SLC39A7: variants seen among roughly 807,000 people sequenced by gnomAD.
The protein encoded by SLC39A7 is solute carrier family 39 member 7.
A neutral mutation model predicts 39.7 loss-of-function variants in SLC39A7; 25 were observed. The ratio of observed to expected loss-of-function variants is 0.63; its 90% CI spans 0.46 to 0.88. The LOEUF is 0.88. Among genes scored for constraint, SLC39A7 ranks in the 40% least tolerant of loss-of-function variants. SLC39A7 has a pLI of 0.00. For missense variants in SLC39A7, 501 were observed against 592.1 expected (o/e 0.85, Z 1.60); for synonymous variants, 181 against 234.1 (o/e 0.77, Z 2.07).
intron 4 of SLC39A7, 50 bp downstream of exon 4, chr6:33,202,477 C>G (rs1774678543): frequency 6.2e-7 from 1 of 1,606,070 alleles, no homozygotes; most frequent in South Asian, 1.1e-5. Flanking sequence ...GCCTCAGAAT[C>G]TCCTCATCTT....
Position 33,201,946 on chromosome 6 carries a change from A to T in SLC39A7, c.580+33A>T, listed in dbSNP as rs978818606. 3.1e-6 allele frequency: 5 copies of T among 1,609,346 alleles called. No individual in the cohort carries two copies. The highest frequency in any genetic ancestry group is 3.4e-6 in the Non-Finnish European group (4 of 1,177,124). ...ACCTCTGACTTCTACCTCAAATCTA[A>T]CCTATTTCGTTCTTTGGAGGAAAAG... On this transcript the variant is annotated intron_variant, in intron 2 of 6. Coordinates refer to ENST00000374677, the MANE Select transcript of SLC39A7 (RefSeq NM_006979.3). This position sits in a 1 kb window ranked among gnomAD's most constrained non-coding sequence, Gnocchi z 5.9.
chr6:33,202,138 C>A lies in SLC39A7; in HGVS notation c.634+13C>A. ...CACTCCCACAGTGGTGAGGAAGAGA[C>A]AGATGGGGATGGGAGTTGGGGTGCT... On this transcript the variant is annotated intron_variant, in intron 3 of 6. Transcript: ENST00000374677. 6.2e-7 allele frequency: 1 copy of A among 1,612,562 alleles called. No individual in the cohort carries two copies. Among genetic ancestry groups the A allele is most frequent in the Non-Finnish European group, 8.5e-7 (1 of 1,179,660 alleles).
chr6:33,204,068 T>C lies in SLC39A7; in HGVS notation c.*255T>C. 1 of 588,500 alleles carries C rather than the reference T, an allele frequency of 1.7e-6. No individual in the cohort carries two copies. The highest frequency in any genetic ancestry group is 3.0e-6 in the Non-Finnish European group (1 of 330,514). The allele number at this position is 588,500 out of a possible 1,614,324, so 36.5% of individuals were successfully genotyped here. A position where few individuals can be genotyped will look rare whatever the true frequency, so the allele number is the denominator to read the frequency against. On this transcript the variant is annotated 3_prime_UTR_variant, in exon 7 of 7. Transcript: ENST00000374677. The stretch of plus-strand genomic sequence containing the variant: ...GCATTTGGAAGGCTAAATGGGGCCA[T>C]GAAGAAGGCTGGAAGGGACAGGGGG...
intron 4 of SLC39A7, 46 bp from the exon 5 acceptor site, chr6:33,202,514 T>G: frequency 6.3e-7 from 1 of 1,593,336 alleles, no homozygotes; most frequent in Non-Finnish European, 8.5e-7. Context: ...AGAGGACATG[T>G]TGGAAGATCT....
rs1774501511 is a variant in SLC39A7, at chr6:33,201,081, G to A, written c.-165G>A. On this transcript the variant is annotated 5_prime_UTR_variant, in exon 1 of 7. Coordinates refer to ENST00000374677, the MANE Select transcript of SLC39A7 (RefSeq NM_006979.3). This position sits in a 1 kb window ranked among gnomAD's most constrained non-coding sequence, Gnocchi z 5.9. ...GGGCCCTACATCCGGGAGGTGGTTCGGGATAAAGAGAACTAGTCTTGGGAA... is the reference window on the plus strand; with the variant it reads ...GGGCCCTACATCCGGGAGGTGGTTCAGGATAAAGAGAACTAGTCTTGGGAA... 2.5e-6 allele frequency: 2 copies of A among 816,098 alleles called. No individual in the cohort carries two copies. The highest frequency in any genetic ancestry group is 3.1e-5 in the South Asian group (2 of 63,766). The allele number at this position is 816,098 out of a possible 1,614,324, so 50.6% of individuals were successfully genotyped here. A position where few individuals can be genotyped will look rare whatever the true frequency, so the allele number is the denominator to read the frequency against.
chr6:33,201,943 C>A lies in SLC39A7; in HGVS notation c.580+30C>A. 1 of 1,610,454 alleles carries A rather than the reference C, an allele frequency of 6.2e-7. No homozygotes were observed. Among genetic ancestry groups the A allele is most frequent in the Non-Finnish European group, 8.5e-7 (1 of 1,177,794 alleles). On this transcript the variant is annotated intron_variant, in intron 2 of 6. Coordinates refer to ENST00000374677, the MANE Select transcript of SLC39A7 (RefSeq NM_006979.3). The surrounding 1 kb of genome is among the most constrained non-coding windows in gnomAD (Gnocchi z 5.9). ...GTAACCTCTGACTTCTACCTCAAAT[C>A]TAACCTATTTCGTTCTTTGGAGGAA...
In SLC39A7 at chr6:33,201,715, C is replaced by G; in HGVS notation, c.412-30C>G. The G allele has an allele frequency of 1.2e-6, 2 of 1,613,510 alleles. No homozygotes were observed. The highest frequency in any genetic ancestry group is 1.7e-6 in the Non-Finnish European group (2 of 1,179,544). On this transcript the variant is annotated intron_variant, in intron 1 of 6. Coordinates refer to ENST00000374677, the MANE Select transcript of SLC39A7 (RefSeq NM_006979.3). This position sits in a 1 kb window ranked among gnomAD's most constrained non-coding sequence, Gnocchi z 5.9. The stretch of plus-strand genomic sequence containing the variant: ...GGTTCTGGATTGTTGGGAAACTCCA[C>G]AGTACTTGACCTTGACTCTCCCTCA...
rs1562436807 is a variant in SLC39A7 at position 33,204,142 on chromosome 6, C to G, written c.*329C>G. 3 of 509,212 alleles carry G rather than the reference C, an allele frequency of 5.9e-6. No individual in the cohort carries two copies. Among genetic ancestry groups the G allele is most frequent in the South Asian group, 4.7e-5 (2 of 42,270 alleles). The allele number at this position is 509,212 out of a possible 1,614,324, so 31.5% of individuals were successfully genotyped here. The stretch of plus-strand genomic sequence containing the variant: ...CCTACCCCACCTGTTCTCGGAGAAC[C>G]AAGTTGCTACACAGGAAGTTCTCCA... On this transcript the variant is annotated 3_prime_UTR_variant, in exon 7 of 7. Transcript: ENST00000374677.
In SLC39A7 at chr6:33,200,898, C is replaced by G. The variant is rs969272434; in HGVS notation, c.-348C>G. On this transcript the variant is annotated 5_prime_UTR_variant, in exon 1 of 7. Transcript: ENST00000374677. This position sits in a 1 kb window ranked among gnomAD's most constrained non-coding sequence, Gnocchi z 6.3. ...TCGCGGGATCTAAAGGCGGGACTGCCACGTCCAAGCAAACCGGGAAAGGAG... is the reference window on the plus strand; with the variant it reads ...TCGCGGGATCTAAAGGCGGGACTGCGACGTCCAAGCAAACCGGGAAAGGAG... 1.0e-5 allele frequency: 13 copies of G among 1,279,702 alleles called. No individual in the cohort carries two copies. Among genetic ancestry groups the G allele is most frequent in the Admixed American group, 8.1e-5 (4 of 49,520 alleles). The allele number at this position is 1,279,702 out of a possible 1,614,324, so 79.3% of individuals were successfully genotyped here. A position where few individuals can be genotyped will look rare whatever the true frequency, so the allele number is the denominator to read the frequency against.
chr6:33,201,850 C>A lies in SLC39A7; in HGVS notation c.517C>A (p.Leu173Ile). The change falls in exon 2 of 7, where the codon CTC (leucine) becomes ATC (isoleucine). Residue 173 changes from leucine (L) to isoleucine (I), a missense_variant. Physicochemically the swap from Leu to Ile is conservative, Grantham distance 5. Coordinates refer to ENST00000374677, the MANE Select transcript of SLC39A7 (RefSeq NM_006979.3). The surrounding 1 kb of genome is among the most constrained non-coding windows in gnomAD (Gnocchi z 5.9). ...GCATCGCTCTCTACTTCAGATCTTG[C>A]TCAGTTTTGCTTCCGGTGGGCTCCT... ...PRHRSLLQIL[L>I]SFASGGLLGD... 6.2e-7 allele frequency: 1 copy of A among 1,613,114 alleles called. No individual in the cohort carries two copies. The highest frequency in any genetic ancestry group is 1.6e-4 in the Middle Eastern group (1 of 6,062).
chr6:33,202,398 C>T lies in SLC39A7; in HGVS notation c.770C>T (p.Thr257Ile). ...SHGHGHAHSH[T>I]RGSHGHGRQE... Reference sequence around the variant, plus strand: ...GGACATGGACACGCTCACAGTCATACACGTGGAAGTCATGGACATGGAAGA... The same window carrying T: ...GGACATGGACACGCTCACAGTCATATACGTGGAAGTCATGGACATGGAAGA... The change falls in exon 4 of 7, where the codon ACA (threonine) becomes ATA (isoleucine). Residue 257 changes from threonine (T) to isoleucine (I), a missense_variant. By Grantham distance (89) the Thr-to-Ile change is moderately conservative (BLOSUM62 -1). Coordinates refer to ENST00000374677, the MANE Select transcript of SLC39A7 (RefSeq NM_006979.3). 6.2e-7 allele frequency: 1 copy of T among 1,612,720 alleles called. No individual in the cohort carries two copies. The highest frequency in any genetic ancestry group is 1.3e-5 in the African/African-American group (1 of 74,998).
At position 33,203,114 on chromosome 6, in the gene SLC39A7, A is replaced by G; in HGVS notation, c.1137+8A>G. On this transcript the variant is annotated splice_region_variant and intron_variant, in intron 6 of 6. Transcript: ENST00000374677. ...GGCTGCAGCAAAAAGCAGGTTGGTGATGTCTGCCAAACACAGCTGCCTCAA... is the reference window on the plus strand; with the variant it reads ...GGCTGCAGCAAAAAGCAGGTTGGTGGTGTCTGCCAAACACAGCTGCCTCAA... The G allele has an allele frequency of 6.3e-7, 1 of 1,576,904 alleles. No homozygotes were observed. The highest frequency in any genetic ancestry group is 1.4e-5 in the African/African-American group (1 of 73,324).
Position 33,203,861 on chromosome 6 carries a change from G to A in SLC39A7, c.*48G>A, listed in dbSNP as rs372930762. The A allele has an allele frequency of 4.4e-6, 7 of 1,597,970 alleles. No individual in the cohort carries two copies. In the South Asian group the frequency reaches 4.4e-5, roughly 10 times the overall value. On this transcript the variant is annotated 3_prime_UTR_variant, in exon 7 of 7. Coordinates refer to ENST00000374677, the MANE Select transcript of SLC39A7 (RefSeq NM_006979.3). ...CCCAAACCTCTACCCCTAACTCCAG[G>A]TCAGGGGTGCGTAGAGGTTGGGGGC... is the stretch of plus-strand genomic sequence containing the variant.
chr6:33,203,751 C>T lies in SLC39A7; in HGVS notation c.1348C>T (p.Leu450=). Residue 450 remains leucine (L), a synonymous_variant, in exon 7 of 7, where the codon CTG becomes TTG. Transcript: ENST00000374677. ...GGAGGCATCACCATTGCAATCACTTCTGGAGGTGCTGGGGCTGCTGGGGGG... is the reference window on the plus strand; with the variant it reads ...GGAGGCATCACCATTGCAATCACTTTTGGAGGTGCTGGGGCTGCTGGGGGG... The part of the protein sequence containing the change: ...LREASPLQSL[L]EVLGLLGGVI... 1.2e-6 allele frequency: 2 copies of T among 1,614,182 alleles called. No individual in the cohort carries two copies. The highest frequency in any genetic ancestry group is 1.7e-4 in the Middle Eastern group (1 of 6,060).
chr6:33,200,913 C>G lies in SLC39A7; in HGVS notation c.-333C>G. 1 of 1,190,450 alleles carries G rather than the reference C, an allele frequency of 8.4e-7. No homozygotes were observed. The highest frequency in any genetic ancestry group is 1.2e-6 in the Non-Finnish European group (1 of 828,310). 73.7% of individuals were successfully genotyped at this position (1,190,450 alleles called of 1,614,324 possible). On this transcript the variant is annotated 5_prime_UTR_variant, in exon 1 of 7. Coordinates refer to ENST00000374677, the MANE Select transcript of SLC39A7 (RefSeq NM_006979.3). The surrounding 1 kb of genome is among the most constrained non-coding windows in gnomAD (Gnocchi z 6.3). ...GCGGGACTGCCACGTCCAAGCAAACCGGGAAAGGAGAGGATCCCGGAGCCG... is the reference window on the plus strand; with the variant it reads ...GCGGGACTGCCACGTCCAAGCAAACGGGGAAAGGAGAGGATCCCGGAGCCG...
Position 33,204,220 on chromosome 6 carries a change from A to G in SLC39A7, c.*407A>G, listed in dbSNP as rs963566834. On this transcript the variant is annotated 3_prime_UTR_variant, in exon 7 of 7. Coordinates refer to ENST00000374677, the MANE Select transcript of SLC39A7 (RefSeq NM_006979.3). ...TGGTGGAGGCTTCAGGGAAGACCAG[A>G]GTCCTGGACAGAGAGGGTAACAGGA... 4.4e-6 allele frequency: 2 copies of G among 452,988 alleles called. No homozygotes were observed. Among genetic ancestry groups the G allele is most frequent in the Non-Finnish European group, 8.0e-6 (2 of 248,924 alleles). 28.1% of individuals were successfully genotyped at this position (452,988 alleles called of 1,614,324 possible). A position where few individuals can be genotyped will look rare whatever the true frequency, so the allele number is the denominator to read the frequency against.
Position 33,200,993 on chromosome 6 carries a change from A to C in SLC39A7, c.-253A>C. Reference sequence around the variant, plus strand: ...CCTTTCCAGGCCTTTTCCTCACCTAATGAGTCGTAGAGACGAGGGCCCAGA... The same window carrying C: ...CCTTTCCAGGCCTTTTCCTCACCTACTGAGTCGTAGAGACGAGGGCCCAGA... On this transcript the variant is annotated 5_prime_UTR_variant, in exon 1 of 7. An upstream start codon of the reference 5' UTR is lost. Coordinates refer to ENST00000374677, the MANE Select transcript of SLC39A7 (RefSeq NM_006979.3). This position sits in a 1 kb window ranked among gnomAD's most constrained non-coding sequence, Gnocchi z 6.3. 1.3e-6 allele frequency: 1 copy of C among 788,308 alleles called. No individual in the cohort carries two copies. The highest frequency in any genetic ancestry group is 2.2e-6 in the Non-Finnish European group (1 of 451,530). 48.8% of individuals were successfully genotyped at this position (788,308 alleles called of 1,614,324 possible).
At position 33,201,959 on chromosome 6, in the gene SLC39A7, T is replaced by C; in HGVS notation, c.580+46T>C. 2 of 1,606,748 alleles carry C rather than the reference T, an allele frequency of 1.2e-6. No homozygotes were observed. The highest frequency in any genetic ancestry group is 1.7e-6 in the Non-Finnish European group (2 of 1,174,400). On this transcript the variant is annotated intron_variant, in intron 2 of 6. Transcript: ENST00000374677. This position sits in a 1 kb window ranked among gnomAD's most constrained non-coding sequence, Gnocchi z 5.9. ...ACCTCAAATCTAACCTATTTCGTTC[T>C]TTGGAGGAAAAGGGTTCTTTCTCCT...
At position 33,203,817 on chromosome 6, in the gene SLC39A7, G is replaced by T. The variant is rs369573351; in HGVS notation, c.*4G>T. On this transcript the variant is annotated 3_prime_UTR_variant, in exon 7 of 7. Transcript: ENST00000374677. ...GCTGATTGCCCACCTTGAGTGAGGGGTGGATAAACTACCCCTGCCCCAAAC... is the reference window on the plus strand; with the variant it reads ...GCTGATTGCCCACCTTGAGTGAGGGTTGGATAAACTACCCCTGCCCCAAAC... The T allele has an allele frequency of 4.4e-5, 71 of 1,613,624 alleles. No individual in the cohort carries two copies. In the African/African-American group the frequency reaches 8.0e-4, roughly 18 times the overall value.
Sources: gnomAD v4.1 joint callset for allele counts on GRCh38, gnomAD v4.1.1 for gene constraint, Gnocchi (gnomAD v3.1) non-coding constraint, MANE v1.5 for transcripts, NCBI Gene and HGNC (gene_info 2026-07-23, HGNC 2026-07-21) for gene names.